The following SNX8 variants were observed in gnomAD, a reference collection of about 807,000 sequenced individuals.
The protein encoded by SNX8 is sorting nexin 8, also known as sorting nexin-8.
Under a neutral mutation model 51.6 loss-of-function variants are expected in SNX8, and 25 were observed. That is an observed-to-expected ratio of 0.48 (90% CI 0.35 to 0.68). The LOEUF is 0.68. SNX8 is among the 30% of genes least tolerant of loss of function. The pLI, the probability that SNX8 is intolerant of heterozygous loss-of-function variation, is 0.00. For synonymous variants in SNX8, 324 were observed against 277.0 expected (o/e 1.17, Z -1.68); for missense variants, 695 against 624.0 (o/e 1.11, Z -1.21).
rs59105866 is a variant in SNX8, at chr7:2,321,713, C to CT, written c.-66+32508dup. ...ACAGCTGTGAGCCACCGCGCCCGGC[C>CT]TTTTTTTTTTTTTTTTTTTTGAGAC... On this transcript the variant is annotated intron_variant, in intron 1 of 5. Transcript: ENST00000435336. Among the ~76,000 whole-genome samples, 496 of 88,656 alleles carry CT rather than the reference C, an allele frequency of 5.6e-3. 6 individuals carry two copies. The highest frequency in any genetic ancestry group is 9.8e-3 in the Middle Eastern group (1 of 102). 58.2% of individuals were successfully genotyped at this position (88,656 alleles called of 152,430 possible). A position where few individuals can be genotyped will look rare whatever the true frequency, so the allele number is the denominator to read the frequency against.
At chr7:2,311,870 G>A (rs1270790729) in intron 1 of SNX8, among the ~76,000 whole-genome samples, 11 of 151,368 alleles carry the variant, frequency 7.3e-5, no homozygotes, top group East Asian at 1.9e-4. Flanking sequence ...CCGGGAGGCA[G>A]AGCTTGCAGT....
At chr7:2,285,041 T>C (rs1216485320) in intron 1 of SNX8, among the ~76,000 whole-genome samples, 2 of 151,826 alleles carry the variant, frequency 1.3e-5, no homozygotes, top group Non-Finnish European at 2.9e-5. Context: ...TGAAACCTCA[T>C]CTCTTCTAAA....
chr7:2,273,266 G>A (rs888232455), intron 3 of SNX8, among the ~76,000 whole-genome samples: 8 of 151,786 alleles, frequency 5.3e-5, no homozygotes, highest in South Asian at 2.1e-4. Context: ...CCTGGCCAGC[G>A]TAGCGAAACC....
At chr7:2,330,144 T>TC (rs1178750960) in intron 1 of SNX8, among the ~76,000 whole-genome samples, 6 of 146,236 alleles carry the variant, frequency 4.1e-5, no homozygotes, top group African/African-American at 7.6e-5. Context: ...TTTTCTTTTT[T>TC]TTTTTTTTTT....
chr7:2,342,073 C>T (rs1350711648), intron 1 of SNX8, among the ~76,000 whole-genome samples: 3 of 149,328 alleles, frequency 2.0e-5, no homozygotes, highest in Non-Finnish European at 4.5e-5. Context: ...GCATCTGGAT[C>T]TCTCAGATGC....
At chr7:2,308,138 G>A (rs1437886175) in intron 1 of SNX8, among the ~76,000 whole-genome samples, 1 of 152,024 alleles carries the variant, frequency 6.6e-6, no homozygotes, top group Non-Finnish European at 1.5e-5. Context: ...GTGTTGTCAA[G>A]TCTTATCACA....
At chr7:2,331,198 A>AG (rs1274572370) in intron 1 of SNX8, among the ~76,000 whole-genome samples, 1 of 150,502 alleles carries the variant, frequency 6.6e-6, no homozygotes, top group Non-Finnish European at 1.5e-5. Context: ...AAAAAAAAAA[A>AG]AAAAAGAAAG....
Position 2,254,947 on chromosome 7 carries a change from G to T in SNX8, c.*109C>A, listed in dbSNP as rs6960490. On this transcript the variant is annotated 3_prime_UTR_variant, in exon 11 of 11. Coordinates refer to ENST00000222990, the MANE Select transcript of SNX8 (RefSeq NM_013321.4). Reference sequence around the variant, plus strand: ...AGCTCCTCTGCTCCAGCTGCAGCACGGGGCGTGGCGGGGAGGGGAGCTGCC... The same window carrying T: ...AGCTCCTCTGCTCCAGCTGCAGCACTGGGCGTGGCGGGGAGGGGAGCTGCC... 1.7e-5 allele frequency: 13 copies of T among 775,972 alleles called. No individual in the cohort carries two copies. The highest frequency in any genetic ancestry group is 3.0e-5 in the South Asian group (2 of 67,014). The allele number at this position is 775,972 out of a possible 1,614,324, so 48.1% of individuals were successfully genotyped here.
At position 2,256,978 on chromosome 7, in the gene SNX8, G is replaced by A. The variant is rs1417670788; in HGVS notation, c.1180C>T (p.Leu394=). 5.6e-6 allele frequency: 9 copies of A among 1,613,042 alleles called. No homozygotes were observed. Among genetic ancestry groups the A allele is most frequent in the East Asian group, 2.2e-5 (1 of 44,870 alleles). Residue 394 remains leucine, a synonymous_variant, in exon 10 of 11, where the codon CTG becomes TTG. Transcript: ENST00000222990. Reference sequence around the variant, plus strand: ...TGCGTCTCCTGGTGCAGGCAGTACAGGGAGAAGTAGTTCCGCAGCTCCATC... The same window carrying A: ...TGCGTCTCCTGGTGCAGGCAGTACAAGGAGAAGTAGTTCCGCAGCTCCATC... ...QTMELRNYFS[L]YCLHQETQLI...
chr7:2,259,615 C>T (rs1312809084), intron 7 of SNX8, among the ~76,000 whole-genome samples: 2 of 152,214 alleles, frequency 1.3e-5, no homozygotes, highest in African/African-American at 2.4e-5. Flanking sequence ...GGAGGCTCCC[C>T]GGCCACCAAC....
At chr7:2,312,304 G>A (rs1183042898) in intron 1 of SNX8, among the ~76,000 whole-genome samples, 1 of 152,054 alleles carries the variant, frequency 6.6e-6, no homozygotes, top group Admixed American at 6.6e-5. Context: ...GAAGCCTGAA[G>A]GAAACACAGT....
chr7:2,280,195 A>G (rs572455910), intron 1 of SNX8, among the ~76,000 whole-genome samples: 1 of 152,372 alleles, frequency 6.6e-6, no homozygotes, highest in African/African-American at 2.4e-5. Context: ...TGCACAAAGC[A>G]GCAAAAGCAA....
chr7:2,252,422 T>G lies in SNX8; in HGVS notation c.*2634A>C, dbSNP rs1016742013. On this transcript the variant is annotated 3_prime_UTR_variant, in exon 11 of 11. Coordinates refer to ENST00000222990, the MANE Select transcript of SNX8 (RefSeq NM_013321.4). Reference sequence around the variant, plus strand: ...CAGGGCCAGGGCCAAGAAGTATTTGTGAGAAGGAAGGTGGCCTCCGCCACC... The same window carrying G: ...CAGGGCCAGGGCCAAGAAGTATTTGGGAGAAGGAAGGTGGCCTCCGCCACC... 3 of 152,398 alleles carry G rather than the reference T, an allele frequency of 2.0e-5. No homozygotes were observed. The highest frequency in any genetic ancestry group is 7.2e-5 in the African/African-American group (3 of 41,454). 9.4% of individuals were successfully genotyped at this position (152,398 alleles called of 1,614,324 possible).
At chr7:2,259,348 A>G (rs559265466) in intron 7 of SNX8, among the ~76,000 whole-genome samples, 19 of 152,260 alleles carry the variant, frequency 1.2e-4, no homozygotes, top group African/African-American at 4.6e-4. Flanking sequence ...CTCAGTCCCC[A>G]CAGCTCACTG....
At chr7:2,266,250 C>G (rs1209574514) in intron 5 of SNX8, among the ~76,000 whole-genome samples, 1 of 152,022 alleles carries the variant, frequency 6.6e-6, no homozygotes, top group Admixed American at 6.6e-5. Flanking sequence ...AATGGCACGA[C>G]CTGGGCTCAC....
At chr7:2,302,847 G>C (rs1346940035) in intron 1 of SNX8, among the ~76,000 whole-genome samples, 1 of 150,480 alleles carries the variant, frequency 6.6e-6, no homozygotes, top group Admixed American at 6.6e-5. Context: ...TCTGAGAAGT[G>C]AGGAGACCCT....
chr7:2,331,241 A>G (rs975751380), intron 1 of SNX8, among the ~76,000 whole-genome samples: 1 of 151,274 alleles, frequency 6.6e-6, no homozygotes, highest in African/African-American at 2.4e-5. Flanking sequence ...TTCATAACCA[A>G]TATCAATATA....
intron 1 of SNX8, among the ~76,000 whole-genome samples, chr7:2,323,017 T>C (rs982417770): frequency 7.0e-6 from 1 of 142,014 alleles, no homozygotes; most frequent in East Asian, 2.0e-4. Context: ...ACTCTGTCTC[T>C]AAATAAATAA....
At chr7:2,350,308 C>G (rs1779112119) in intron 1 of SNX8, among the ~76,000 whole-genome samples, 1 of 152,180 alleles carries the variant, frequency 6.6e-6, no homozygotes, top group South Asian at 2.1e-4. Flanking sequence ...AGTCTCCGGG[C>G]TCAGGCAGCC....
Sources: gnomAD v4.1 joint callset for allele counts (sites outside exome capture counted in the v4.1 genomes callset) on GRCh38, gnomAD v4.1.1 for gene constraint, MANE v1.5 for transcripts, NCBI Gene and HGNC (gene_info 2026-07-23, HGNC 2026-07-21) for gene names.